Variants in SAR1B observed in about 807,000 individuals in gnomAD.
The protein encoded by SAR1B is small COPII coat GTPase SAR1B.
A neutral mutation model predicts 26.8 loss-of-function variants in SAR1B; 23 were observed. The observed-to-expected ratio is 0.86, with a 90% confidence interval of 0.62 to 1.22. The LOEUF (loss-of-function observed/expected upper bound fraction) is 1.22. SAR1B is among the 50% of genes most tolerant of loss of function. The pLI is 0.00. For missense variants in SAR1B, 196 were observed against 232.8 expected, an observed-to-expected ratio of 0.84 and a Z score of 1.03; for synonymous variants, 65 against 80.8, an observed-to-expected ratio of 0.80 and a Z score of 1.05.
In SAR1B at chr5:134,601,221, A is replaced by G. The variant is rs1765028142; in HGVS notation, c.*5729T>C. ...AATTCATGGCAGGTGAAAAGATAATAGAACATAATCAAACTAACATATAAA... is the reference window on the plus strand; with the variant it reads ...AATTCATGGCAGGTGAAAAGATAATGGAACATAATCAAACTAACATATAAA... On this transcript the variant is annotated 3_prime_UTR_variant, in exon 7 of 7. Transcript: ENST00000402673. The G allele has an allele frequency of 6.6e-6, 1 of 152,244 alleles. No individual in the cohort carries two copies. Among genetic ancestry groups the G allele is most frequent in the African/African-American group, 2.4e-5 (1 of 41,468 alleles). 9.4% of individuals were successfully genotyped at this position (152,244 alleles called of 1,614,324 possible). A position where few individuals can be genotyped will look rare whatever the true frequency, so the allele number is the denominator to read the frequency against.
intron 3 of SAR1B, among the ~76,000 whole-genome samples, chr5:134,616,194 T>C (rs1765314008): frequency 6.7e-6 from 1 of 150,026 alleles, no homozygotes; most frequent in African/African-American, 2.5e-5. Flanking sequence ...CCCAGCACTT[T>C]GGAAGGCCGA....
chr5:134,619,413 G>A (rs1765367397), intron 3 of SAR1B, among the ~76,000 whole-genome samples: 2 of 151,490 alleles, frequency 1.3e-5, no homozygotes, highest in East Asian at 1.9e-4. Flanking sequence ...GGTTAGGAGT[G>A]CAGTGGTGCA....
chr5:134,616,092 T>C (rs1329363499), intron 3 of SAR1B, among the ~76,000 whole-genome samples: 1 of 137,364 alleles, frequency 7.3e-6, no homozygotes, highest in African/African-American at 2.8e-5. Flanking sequence ...GACTGGCCAC[T>C]GCACTCCAGC....
rs140899111 is a variant in SAR1B, at chr5:134,609,598, C to T, written c.321G>A (p.Arg107=). 2,542 of 1,614,064 alleles carry T rather than the reference C, an allele frequency of 1.6e-3. 5 individuals carry two copies. The highest frequency in any genetic ancestry group is 3.0e-3 in the Middle Eastern group (18 of 6,062). The change falls in exon 5 of 7, where the codon AGG becomes AGA. Residue 107 remains arginine (R), a synonymous_variant. Coordinates refer to ENST00000402673, the MANE Select transcript of SAR1B (RefSeq NM_016103.4). ...CAAGTTCTTCTTTTGACTCTAACAG[C>T]CTTTCGTGGTCTGCACAATCCACCA... ...VFLVDCADHE[R]LLESKEELDS... is the part of the protein sequence containing the mutation.
rs1177021566 is a variant in SAR1B at position 134,606,437 on chromosome 5, A to G, written c.*513T>C. On this transcript the variant is annotated 3_prime_UTR_variant, in exon 7 of 7. Coordinates refer to ENST00000402673, the MANE Select transcript of SAR1B (RefSeq NM_016103.4). ...CATTTGCCCAACAAGGATGCCAAACATTAGAGTTTGTTTTATTGCATGACG... is the reference window on the plus strand; with the variant it reads ...CATTTGCCCAACAAGGATGCCAAACGTTAGAGTTTGTTTTATTGCATGACG... 1 of 167,354 alleles carries G rather than the reference A, an allele frequency of 6.0e-6. No individual in the cohort carries two copies. Among genetic ancestry groups the G allele is most frequent in the Non-Finnish European group, 1.3e-5 (1 of 76,216 alleles). 10.4% of individuals were successfully genotyped at this position (167,354 alleles called of 1,614,324 possible).
intron 1 of SAR1B, chr5:134,625,751 T>C (rs1356789481): frequency 6.6e-6 from 1 of 152,116 alleles, no homozygotes; most frequent in African/African-American, 2.4e-5. Context: ...GGGTACACTG[T>C]CCACATTGAC....
rs554111190 is a variant in SAR1B, at chr5:134,602,209, T to G, written c.*4741A>C. ...TGGCTTTGGATAACTTCGCTTACTT[T>G]CCTTTGAATACTTTGGATTCTGTTT... On this transcript the variant is annotated 3_prime_UTR_variant, in exon 7 of 7. Coordinates refer to ENST00000402673, the MANE Select transcript of SAR1B (RefSeq NM_016103.4). The G allele has an allele frequency of 6.6e-6, 1 of 152,340 alleles. No individual in the cohort carries two copies. Among genetic ancestry groups the G allele is most frequent in the East Asian group, 1.9e-4 (1 of 5,192 alleles). 9.4% of individuals were successfully genotyped at this position (152,340 alleles called of 1,614,324 possible).
At chr5:134,622,309 C>A (rs576911278) in intron 2 of SAR1B, among the ~76,000 whole-genome samples, 2 of 151,066 alleles carry the variant, frequency 1.3e-5, no homozygotes, top group African/African-American at 4.9e-5. Context: ...ATGAGTGTCA[C>A]GAAAAAGTAA....
chr5:134,608,410 G>T lies in SAR1B; in HGVS notation c.442C>A (p.Arg148=). 6.3e-7 allele frequency: 1 copy of T among 1,597,370 alleles called. No homozygotes were observed. The highest frequency in any genetic ancestry group is 8.5e-7 in the Non-Finnish European group (1 of 1,173,084). ...RPEAISEERL[R]EMFGLYGQTT... is the part of the protein sequence containing the mutation. ...TGACCATATAAACCAAACATCTCTC[G>T]CAACCTCTCTTCACTGATGGCTTCA... The change falls in exon 6 of 7, where the codon CGA becomes AGA. Residue 148 remains arginine (R), a synonymous_variant. Coordinates refer to ENST00000402673, the MANE Select transcript of SAR1B (RefSeq NM_016103.4).
chr5:134,607,795 C>T (rs1428743458), intron 6 of SAR1B, among the ~76,000 whole-genome samples: 2 of 151,640 alleles, frequency 1.3e-5, no homozygotes, highest in Admixed American at 6.6e-5. Flanking sequence ...AAAGAGCCTC[C>T]TGCTATATGC....
At chr5:134,623,882 A>C (rs567675954) in intron 2 of SAR1B, 80 bp downstream of exon 2, 2 of 956,526 alleles carry the variant, frequency 2.1e-6, no homozygotes, top group Admixed American at 1.7e-5. Context: ...CTTATCTATA[A>C]AGAGACTTGA....
At chr5:134,619,735 T>C (rs1035920473) in intron 3 of SAR1B, among the ~76,000 whole-genome samples, 1 of 152,164 alleles carries the variant, frequency 6.6e-6, no homozygotes, top group Non-Finnish European at 1.5e-5. Flanking sequence ...GTACATTAGA[T>C]ATTGTTGAGG....
intron 1 of SAR1B, among the ~76,000 whole-genome samples, chr5:134,630,793 A>AT (rs1561791134): frequency 6.6e-6 from 1 of 150,938 alleles, no homozygotes; most frequent in Non-Finnish European, 1.5e-5. Flanking sequence ...AAAAAAAAAA[A>AT]GAAAAAAGAA....
intron 2 of SAR1B, among the ~76,000 whole-genome samples, chr5:134,622,486 C>G (rs1765426642): frequency 6.7e-6 from 1 of 150,232 alleles, no homozygotes; most frequent in Non-Finnish European, 1.5e-5. Context: ...TCTCGGCTCA[C>G]TACAACCTCC....
chr5:134,607,056 G>A lies in SAR1B; in HGVS notation c.491C>T (p.Ser164Phe), dbSNP rs757797143. The A allele has an allele frequency of 6.2e-7, 1 of 1,600,460 alleles. No homozygotes were observed. The highest frequency in any genetic ancestry group is 8.6e-7 in the Non-Finnish European group (1 of 1,167,652). ...YGQTTGKGSI[S>F]LKELNARPLE... is the part of the protein sequence containing the mutation. ...GGGTCGGGCATTCAGTTCTTTCAGA[G>A]ATATACTCCCCTAGAATAGAAGAGA... The change falls in exon 7 of 7, where the codon TCT (serine) becomes TTT (phenylalanine). Residue 164 changes from serine to phenylalanine, a missense_variant. Physicochemically the swap from Ser to Phe is radical, Grantham distance 155. Coordinates refer to ENST00000402673, the MANE Select transcript of SAR1B (RefSeq NM_016103.4).
At position 134,606,561 on chromosome 5, in the gene SAR1B, T is replaced by A; in HGVS notation, c.*389A>T. On this transcript the variant is annotated 3_prime_UTR_variant, in exon 7 of 7. Transcript: ENST00000402673. ...ACACTTAAGATAGGTGGACATATAA[T>A]CTAAAATTTAAAAACTAGTTCCAGA... is the stretch of plus-strand genomic sequence containing the variant. 1 of 233,624 alleles carries A rather than the reference T, an allele frequency of 4.3e-6. No individual in the cohort carries two copies. The highest frequency in any genetic ancestry group is 8.6e-6 in the Non-Finnish European group (1 of 115,694). 14.5% of individuals were successfully genotyped at this position (233,624 alleles called of 1,614,324 possible). A position where few individuals can be genotyped will look rare whatever the true frequency, so the allele number is the denominator to read the frequency against.
chr5:134,626,254 G>A (rs928739527), intron 1 of SAR1B, among the ~76,000 whole-genome samples: 2 of 121,378 alleles, frequency 1.6e-5, no homozygotes, highest in East Asian at 2.8e-4. Context: ...AGCCGAGATC[G>A]AGCCACTGCA....
rs1003460184 is a variant in SAR1B at position 134,608,907 on chromosome 5, C to T, written c.349-404G>A. Reference sequence around the variant, plus strand: ...AAATTGAGAATTAAATCAAGTAATACGCACAGTCTCTGGAACAAAGTAGGA... The same window carrying T: ...AAATTGAGAATTAAATCAAGTAATATGCACAGTCTCTGGAACAAAGTAGGA... On this transcript the variant is annotated intron_variant, in intron 5 of 6. Transcript: ENST00000402673. The T allele has an allele frequency of 6.9e-5, 25 of 363,376 alleles. 1 individual carries two copies. Among genetic ancestry groups the T allele is most frequent in the South Asian group, 4.2e-4 (20 of 47,886 alleles). 22.5% of individuals were successfully genotyped at this position (363,376 alleles called of 1,614,324 possible). A position where few individuals can be genotyped will look rare whatever the true frequency, so the allele number is the denominator to read the frequency against.
At chr5:134,611,733 T>C (rs184084492) in intron 4 of SAR1B, among the ~76,000 whole-genome samples, 122 of 151,826 alleles carry the variant, frequency 8.0e-4, no homozygotes, top group African/African-American at 2.7e-3. Context: ...CCAAGGGAGG[T>C]AGCAGGGCAT....
Sources: allele counts gnomAD v4.1 joint callset (sites outside exome capture counted in the v4.1 genomes callset), GRCh38; gene constraint gnomAD v4.1.1; transcripts MANE v1.5; gene names NCBI Gene and HGNC (gene_info 2026-07-23, HGNC 2026-07-21).